Variants in PDE4B observed in about 807,000 individuals in gnomAD.
PDE4B encodes the protein 3',5'-cyclic-AMP phosphodiesterase 4B.
Under a neutral mutation model 82.2 loss-of-function variants are expected in PDE4B, and 20 were observed. That is an observed-to-expected ratio of 0.24 (90% confidence interval 0.17 to 0.35). PDE4B has a LOEUF of 0.35. Among genes scored for constraint, PDE4B ranks in the 10% least tolerant of loss-of-function variants. PDE4B has a pLI of 1.00. For missense variants in PDE4B, 655 were observed against 907.2 expected, an observed-to-expected ratio of 0.72 and a Z score of 3.57; for synonymous variants, 320 against 318.9, an observed-to-expected ratio of 1.00 and a Z score of -0.04.
In PDE4B at chr1:65,881,458, A is replaced by C. The variant is rs573170992; in HGVS notation, c.-70-31787A>C. 3.3e-5 allele frequency among the ~76,000 whole-genome samples: 5 copies of C among 152,250 alleles called. No homozygotes were observed. In the East Asian group the frequency reaches 7.7e-4, roughly 23 times the overall value. On this transcript the variant is annotated intron_variant, in intron 1 of 16. Coordinates refer to ENST00000341517, the MANE Select transcript of PDE4B (RefSeq NM_002600.4). ...CCTGCCAGACCTGCTTCCTGTCCTC[A>C]CTTCCACAGATGCAGATCCTGAGAG...
chr1:66,085,982 C>T (rs1244714214), intron 3 of PDE4B, among the ~76,000 whole-genome samples: 1 of 152,030 alleles, frequency 6.6e-6, no homozygotes, highest in African/African-American at 2.4e-5. Context: ...AACGTTTGAA[C>T]CAAAGCAATC....
At chr1:66,230,929 A>C (rs1423771169) in intron 3 of PDE4B, among the ~76,000 whole-genome samples, 1 of 151,392 alleles carries the variant, frequency 6.6e-6, no homozygotes, top group African/African-American at 2.4e-5. Flanking sequence ...GCTACTCAGG[A>C]GGCTGAGGGC....
At chr1:66,283,066 A>T (rs951638661) in intron 7 of PDE4B, among the ~76,000 whole-genome samples, 2 of 152,168 alleles carry the variant, frequency 1.3e-5, no homozygotes, top group African/African-American at 4.8e-5. Flanking sequence ...GAGTGCTGGG[A>T]AAATAAAAAG....
chr1:66,090,625 G>A (rs1488071083), intron 3 of PDE4B, among the ~76,000 whole-genome samples: 59 of 107,938 alleles, frequency 5.5e-4, no homozygotes, highest in Middle Eastern at 4.9e-3. Flanking sequence ...TAATATATGT[G>A]TGTGTGTGTG....
At chr1:66,072,613 A>G (rs1432650418) in intron 3 of PDE4B, among the ~76,000 whole-genome samples, 3 of 152,106 alleles carry the variant, frequency 2.0e-5, no homozygotes, top group South Asian at 2.1e-4. Flanking sequence ...TGCCTATACA[A>G]TGCAGCCTTT....
At chr1:66,067,273 C>T (rs1290912593) in intron 3 of PDE4B, among the ~76,000 whole-genome samples, 1 of 152,038 alleles carries the variant, frequency 6.6e-6, no homozygotes, top group Non-Finnish European at 1.5e-5. Flanking sequence ...CACTGACTTC[C>T]ACAATGGTTG....
At chr1:66,236,879 T>A (rs941198025) in intron 3 of PDE4B, among the ~76,000 whole-genome samples, 5 of 152,212 alleles carry the variant, frequency 3.3e-5, no homozygotes, top group African/African-American at 1.2e-4. Flanking sequence ...CGATGTACCA[T>A]TTAATAGCTA....
intron 3 of PDE4B, among the ~76,000 whole-genome samples, chr1:66,074,781 AG>A (rs1656331964): frequency 6.6e-6 from 1 of 152,136 alleles, no homozygotes; most frequent in African/African-American, 2.4e-5. Context: ...AATGTTTTCA[AG>A]GTTCATCTAT....
At chr1:66,197,829 A>C (rs551206214) in intron 3 of PDE4B, among the ~76,000 whole-genome samples, 1 of 152,308 alleles carries the variant, frequency 6.6e-6, no homozygotes, top group South Asian at 2.1e-4. Context: ...ACTAGCATTT[A>C]ATTTGAGAGA....
intron 1 of PDE4B, among the ~76,000 whole-genome samples, chr1:65,904,824 G>A (rs1569627989): frequency 6.6e-6 from 1 of 152,196 alleles, no homozygotes; most frequent in Non-Finnish European, 1.5e-5. Context: ...CCTGCAAAAT[G>A]GAGATAAAAA....
chr1:66,179,992 C>T (rs1485246482), intron 3 of PDE4B, among the ~76,000 whole-genome samples: 1 of 152,204 alleles, frequency 6.6e-6, no homozygotes, highest in Non-Finnish European at 1.5e-5. Context: ...ACCTCATTGA[C>T]AAGGTAGATT....
At chr1:66,249,442 G>A (rs145976152) in intron 4 of PDE4B, among the ~76,000 whole-genome samples, 5 of 152,186 alleles carry the variant, frequency 3.3e-5, no homozygotes, top group African/African-American at 7.2e-5. Context: ...ATTCAGAGTC[G>A]CCCCAGAAAA....
chr1:65,912,922 A>G (rs377230763), intron 1 of PDE4B, among the ~76,000 whole-genome samples: 4 of 152,318 alleles, frequency 2.6e-5, no homozygotes, highest in African/African-American at 7.2e-5. Context: ...TTTTATGGGA[A>G]TATACTTTGT....
intron 3 of PDE4B, among the ~76,000 whole-genome samples, chr1:65,972,921 C>T (rs1650219683): frequency 6.6e-6 from 1 of 151,994 alleles, no homozygotes; most frequent in Non-Finnish European, 1.5e-5. Context: ...CAAATTGTTG[C>T]TAAAGAAAAT....
At chr1:66,348,038 C>T (rs1661538856) in intron 8 of PDE4B, among the ~76,000 whole-genome samples, 1 of 152,160 alleles carries the variant, frequency 6.6e-6, no homozygotes, top group Admixed American at 6.5e-5. Flanking sequence ...CAGGAAAGGA[C>T]ACTAGACTGG....
At chr1:65,895,944 TA>T (rs1001549086) in intron 1 of PDE4B, among the ~76,000 whole-genome samples, 7 of 147,912 alleles carry the variant, frequency 4.7e-5, no homozygotes, top group African/African-American at 1.7e-4. Context: ...ATAATAATAA[TA>T]ATAATAATAA....
intron 3 of PDE4B, among the ~76,000 whole-genome samples, chr1:66,076,267 A>T (rs562648843): frequency 6.6e-6 from 1 of 152,280 alleles, no homozygotes; most frequent in South Asian, 2.1e-4. Flanking sequence ...TGTAAGTGAG[A>T]ACATGTAGTA....
chr1:65,842,723 A>G (rs1646221605), intron 1 of PDE4B, among the ~76,000 whole-genome samples: 1 of 152,198 alleles, frequency 6.6e-6, no homozygotes, highest in Non-Finnish European at 1.5e-5. Context: ...ACCCACAAAC[A>G]TAGAGGCAGA....
chr1:66,051,326 C>T (rs185109375), intron 3 of PDE4B, among the ~76,000 whole-genome samples: 1 of 152,152 alleles, frequency 6.6e-6, no homozygotes, highest in Admixed American at 6.6e-5. Context: ...AGTCACTCGA[C>T]CTCACCTTAA....
Sources: allele counts gnomAD v4.1 joint callset (sites outside exome capture counted in the v4.1 genomes callset), GRCh38; gene constraint gnomAD v4.1.1; transcripts MANE v1.5; gene names NCBI Gene and HGNC (gene_info 2026-07-23, HGNC 2026-07-21).